Variants in SAMD12 observed in about 807,000 individuals in gnomAD.
SAMD12 encodes the protein sterile alpha motif domain containing 12, also known as sterile alpha motif domain-containing protein 12.
SAMD12 carries 9 observed loss-of-function variants against 15.0 expected under a neutral mutation model. The ratio of observed to expected loss-of-function variants is 0.60; its 90% CI spans 0.36 to 1.05. The LOEUF (loss-of-function observed/expected upper bound fraction) is 1.05. Among genes scored for constraint, SAMD12 ranks in the 50% least tolerant of loss-of-function variants. The probability of loss-of-function intolerance (pLI) is 0.01; values close to 1 mark genes in which losing one functional copy is unlikely to be tolerated. For missense variants in SAMD12, 230 were observed against 234.2 expected (o/e 0.98, Z 0.12); for synonymous variants, 86 against 90.1 (o/e 0.96, Z 0.25).
At chr8:118,495,549 G>A (rs190093838) in intron 2 of SAMD12, among the ~76,000 whole-genome samples, 130 of 120,440 alleles carry the variant, frequency 1.1e-3, no homozygotes, top group African/African-American at 3.9e-3. Flanking sequence ...CTTAATTCAT[G>A]TAGGCTTTTT....
At chr8:118,593,507 G>GT (rs1232224344) in intron 1 of SAMD12, among the ~76,000 whole-genome samples, 9 of 152,040 alleles carry the variant, frequency 5.9e-5, no homozygotes, top group Non-Finnish European at 1.2e-4. Flanking sequence ...TTTAAATTAT[G>GT]TTTTTTTAAT....
At chr8:118,321,139 T>TAATAAATAAATAAATA (rs1360713469) in intron 4 of SAMD12, among the ~76,000 whole-genome samples, 1 of 90,240 alleles carries the variant, frequency 1.1e-5, no homozygotes, top group South Asian at 4.3e-4. Context: ...ATATCATAGA[T>TAATAAATAAATAAATA]AATAAATATA....
the SAMD12 span, among the ~76,000 whole-genome samples, chr8:118,139,081 G>C: frequency 6.6e-6 from 1 of 152,164 alleles, no homozygotes; most frequent in African/African-American, 2.4e-5. Flanking sequence ...GGCAGAGGTG[G>C]TGGAAATGGA....
chr8:118,428,187 A>G (rs1822291078), intron 3 of SAMD12, among the ~76,000 whole-genome samples: 1 of 152,164 alleles, frequency 6.6e-6, no homozygotes, highest in Admixed American at 6.5e-5. Context: ...TATATAATAA[A>G]AGTGCTTTCT....
At chr8:118,455,575 A>G (rs1042922721) in intron 2 of SAMD12, among the ~76,000 whole-genome samples, 1 of 152,114 alleles carries the variant, frequency 6.6e-6, no homozygotes, top group South Asian at 2.1e-4. Context: ...AATATTGTCA[A>G]TAAATCAAAT....
At chr8:118,386,413 T>A (rs1033557575) in intron 3 of SAMD12, among the ~76,000 whole-genome samples, 2 of 152,152 alleles carry the variant, frequency 1.3e-5, no homozygotes, top group Non-Finnish European at 2.9e-5. Context: ...GGGATTGGAT[T>A]TGGGGCCCAT....
Position 118,396,588 on chromosome 8 carries a change from C to T in SAMD12, c.323-16888G>A, listed in dbSNP as rs1484693418. Among the ~76,000 whole-genome samples, 2 of 152,304 alleles carry T rather than the reference C, an allele frequency of 1.3e-5. 1 individual carries two copies. Among genetic ancestry groups the T allele is most frequent in the African/African-American group, 4.8e-5 (2 of 41,572 alleles). On this transcript the variant is annotated intron_variant, in intron 3 of 3. Transcript: ENST00000314727. The stretch of plus-strand genomic sequence containing the variant: ...CTCTATGAGAAAGGGAGAATACTAT[C>T]ATCCTCATTTTAAAGTTAAGAAATG...
intron 1 of SAMD12, among the ~76,000 whole-genome samples, chr8:118,608,309 C>T (rs1563609858): frequency 6.6e-6 from 1 of 151,878 alleles, no homozygotes; most frequent in East Asian, 2.0e-4. Flanking sequence ...TGACACACCC[C>T]GCTCAGAAAT....
At chr8:118,330,497 C>T (rs1233733902) in intron 4 of SAMD12, among the ~76,000 whole-genome samples, 1 of 152,072 alleles carries the variant, frequency 6.6e-6, no homozygotes, top group Non-Finnish European at 1.5e-5. Flanking sequence ...AGTTCCTCAA[C>T]ACAAAAGGAG....
Position 118,314,012 on chromosome 8 carries a change from C to T in SAMD12, c.433+65548G>A, listed in dbSNP as rs370974384. Among the ~76,000 whole-genome samples the T allele has an allele frequency of 1.7e-4, 26 of 152,064 alleles. No homozygotes were observed. In the East Asian group the frequency reaches 4.3e-3, roughly 25 times the overall value. ...AGGTTCTTGAGGAGGTGATTTGTGT[C>T]TTTAATCTTGCTCAAATGTAAAATA... On this transcript the variant is annotated intron_variant, in intron 4 of 4. Transcript: ENST00000409003.
At chr8:118,141,201 C>T in the SAMD12 span, among the ~76,000 whole-genome samples, 8 of 152,312 alleles carry the variant, frequency 5.3e-5, no homozygotes, top group African/African-American at 1.9e-4. Context: ...TCTGGCTCAG[C>T]TTTTACGAAA....
At chr8:118,334,938 T>A (rs1336475937) in intron 4 of SAMD12, among the ~76,000 whole-genome samples, 2 of 152,090 alleles carry the variant, frequency 1.3e-5, no homozygotes, top group African/African-American at 4.8e-5. Flanking sequence ...TAACTCTTCA[T>A]ATATTTGAAA....
downstream of SAMD12, among the ~76,000 whole-genome samples, chr8:118,185,762 A>C (rs1422271417): frequency 1.3e-5 from 2 of 152,210 alleles, no homozygotes; most frequent in Non-Finnish European, 2.9e-5. Flanking sequence ...TGGCTGGTGA[A>C]AAGGCTGGGA....
At chr8:118,522,242 G>A (rs959652879) in intron 2 of SAMD12, among the ~76,000 whole-genome samples, 1 of 151,698 alleles carries the variant, frequency 6.6e-6, no homozygotes, top group Non-Finnish European at 1.5e-5. Flanking sequence ...TCAAACGAGA[G>A]CAAGAGATAG....
chr8:118,219,500 A>G (rs1019824043), intron 4 of SAMD12, among the ~76,000 whole-genome samples: 1 of 152,236 alleles, frequency 6.6e-6, no homozygotes, highest in Non-Finnish European at 1.5e-5. Context: ...AAATTCTTTC[A>G]TATCACCTCC....
the SAMD12 span, among the ~76,000 whole-genome samples, chr8:118,176,023 C>G: frequency 6.6e-6 from 1 of 152,214 alleles, no homozygotes; most frequent in Non-Finnish European, 1.5e-5. Context: ...ATTTTTTGGC[C>G]AGGCGTGGTG....
intron 4 of SAMD12, among the ~76,000 whole-genome samples, chr8:118,334,155 T>A (rs977851195): frequency 1.7e-4 from 26 of 152,204 alleles, no homozygotes; most frequent in Non-Finnish European, 2.6e-4. Context: ...CATTGTATTC[T>A]AATTTATCTG....
At chr8:118,569,003 G>T (rs1826931823) in intron 2 of SAMD12, among the ~76,000 whole-genome samples, 1 of 152,110 alleles carries the variant, frequency 6.6e-6, no homozygotes, top group Non-Finnish European at 1.5e-5. Flanking sequence ...TAATAGTTCA[G>T]ATTTATTCTT....
intron 2 of SAMD12, among the ~76,000 whole-genome samples, chr8:118,570,080 G>A (rs899988057): frequency 1.3e-5 from 2 of 152,106 alleles, no homozygotes; most frequent in African/African-American, 4.8e-5. Flanking sequence ...CAGAAATCAC[G>A]GGAGCCAGCT....
Sources: allele counts gnomAD v4.1 joint callset (sites outside exome capture counted in the v4.1 genomes callset), GRCh38; gene constraint gnomAD v4.1.1; transcripts MANE v1.5; gene names NCBI Gene and HGNC (gene_info 2026-07-23, HGNC 2026-07-21).